Variants in PHF21A observed in about 807,000 individuals in gnomAD.
The protein encoded by PHF21A is BHC80a.
PHF21A carries 11 observed loss-of-function variants against 82.5 expected under a neutral mutation model. The observed-to-expected ratio is 0.13, with a 90% confidence interval of 0.08 to 0.22. PHF21A has a LOEUF of 0.22. Ranked by LOEUF, PHF21A falls within the 10% of genes least tolerant of loss-of-function variation. The pLI is 1.00. For synonymous variants in PHF21A, 297 were observed against 302.8 expected (o/e 0.98, Z 0.20); for missense variants, 579 against 837.8 (o/e 0.69, Z 3.81).
At chr11:46,107,736 G>A (rs1378207775) in intron 1 of PHF21A, among the ~76,000 whole-genome samples, 2 of 151,978 alleles carry the variant, frequency 1.3e-5, no homozygotes, top group African/African-American at 4.8e-5. Context: ...TCAGCAACAA[G>A]TTAAAACTCT....
chr11:45,942,049 C>A (rs1361871234), intron 15 of PHF21A, among the ~76,000 whole-genome samples: 2 of 152,030 alleles, frequency 1.3e-5, no homozygotes, highest in African/African-American at 2.4e-5. Flanking sequence ...CTTATGCTAC[C>A]CAGCAGCAAA....
intron 7 of PHF21A, among the ~76,000 whole-genome samples, chr11:45,973,011 G>C (rs2093849777): frequency 6.6e-6 from 1 of 152,202 alleles, no homozygotes; most frequent in South Asian, 2.1e-4. Flanking sequence ...CCGTGAGGCA[G>C]AGGCTGCAGT....
chr11:46,073,532 T>C (rs1037429058), intron 6 of PHF21A, among the ~76,000 whole-genome samples: 1 of 152,142 alleles, frequency 6.6e-6, no homozygotes, highest in African/African-American at 2.4e-5. Context: ...TTAGAAAATA[T>C]ACATAAGAGT....
At chr11:46,075,948 C>G (rs1372517332) in intron 6 of PHF21A, among the ~76,000 whole-genome samples, 1 of 152,186 alleles carries the variant, frequency 6.6e-6, no homozygotes, top group African/African-American at 2.4e-5. Context: ...ATATCAACTG[C>G]AAATCACCTT....
At chr11:45,980,105 T>G in intron 6 of PHF21A, 139 bp from the exon 7 acceptor site, 1 of 1,264,032 alleles carries the variant, frequency 7.9e-7, no homozygotes, top group Non-Finnish European at 1.1e-6. Flanking sequence ...GTTCTACATA[T>G]GAAGAGCTTA....
chr11:45,979,639 A>AAAT, intron 7 of PHF21A, 121 bp downstream of exon 7: 1 of 1,396,742 alleles, frequency 7.2e-7, no homozygotes, highest in Admixed American at 1.8e-5. Flanking sequence ...AAAGCAATCA[A>AAAT]AATAACTTTT....
chr11:46,028,002 A>C (rs1044705732), intron 6 of PHF21A, among the ~76,000 whole-genome samples: 42 of 152,330 alleles, frequency 2.8e-4, no homozygotes, highest in African/African-American at 9.9e-4. Flanking sequence ...CAGCCTAATA[A>C]TACAAACAGG....
At chr11:46,090,956 G>C (rs2096917652) in intron 2 of PHF21A, among the ~76,000 whole-genome samples, 2 of 152,112 alleles carry the variant, frequency 1.3e-5, no homozygotes, top group Admixed American at 1.3e-4. Flanking sequence ...AATGGGTTAA[G>C]GTCGCTTCTC....
chr11:46,076,918 A>G (rs2096732725), intron 5 of PHF21A, 99 bp from the exon 6 acceptor site: 2 of 905,682 alleles, frequency 2.2e-6, no homozygotes, highest in Non-Finnish European at 3.6e-6. Context: ...TGATGAAGCA[A>G]CCCGAAGCAT....
chr11:46,067,450 T>C (rs764460167), intron 6 of PHF21A, among the ~76,000 whole-genome samples: 12 of 152,204 alleles, frequency 7.9e-5, no homozygotes, highest in Non-Finnish European at 1.5e-4. Context: ...CAGACTCATT[T>C]ACTAGTTTAT....
chr11:46,098,583 GC>G (rs917290384), intron 1 of PHF21A, among the ~76,000 whole-genome samples: 1 of 152,146 alleles, frequency 6.6e-6, no homozygotes, highest in Non-Finnish European at 1.5e-5. Context: ...CTCTCACGAA[GC>G]TGTTTTCTGA....
intron 6 of PHF21A, among the ~76,000 whole-genome samples, chr11:46,023,646 T>C (rs1179597206): frequency 2.0e-5 from 3 of 152,222 alleles, no homozygotes; most frequent in Non-Finnish European, 4.4e-5. Context: ...CCTCAGTTGC[T>C]AATGTGTGTT....
intron 10 of PHF21A, among the ~76,000 whole-genome samples, chr11:45,958,419 A>AAT (rs71308367): frequency 1.6e-4 from 4 of 25,030 alleles, no homozygotes; most frequent in African/African-American, 4.5e-4. Context: ...AAAAAAAAAA[A>AAT]ATATATATAT....
intron 3 of PHF21A, among the ~76,000 whole-genome samples, chr11:46,084,723 A>G (rs976594234): frequency 2.0e-5 from 3 of 150,288 alleles, no homozygotes; most frequent in Non-Finnish European, 4.4e-5. Flanking sequence ...TCTGTCGCCC[A>G]GGCTGGAGTG....
At chr11:46,056,429 A>T (rs1156879918) in intron 6 of PHF21A, among the ~76,000 whole-genome samples, 1 of 152,120 alleles carries the variant, frequency 6.6e-6, no homozygotes, top group East Asian at 1.9e-4. Flanking sequence ...TTACTTTAAG[A>T]ACCTGTAAAT....
chr11:46,065,696 T>C (rs915906333), intron 6 of PHF21A, among the ~76,000 whole-genome samples: 5 of 152,240 alleles, frequency 3.3e-5, no homozygotes, highest in African/African-American at 1.2e-4. Context: ...TGTCAGTGAC[T>C]AGCACAGCCA....
intron 18 of PHF21A, 45 bp downstream of exon 18, chr11:45,935,591 C>A: frequency 1.1e-6 from 1 of 947,368 alleles, no homozygotes; most frequent in East Asian, 2.4e-5. Context: ...AGGCCTAGGT[C>A]TCTGCACCTA....
intron 6 of PHF21A, among the ~76,000 whole-genome samples, chr11:46,072,230 A>G (rs1450617949): frequency 6.6e-6 from 1 of 152,206 alleles, no homozygotes; most frequent in African/African-American, 2.4e-5. Flanking sequence ...TCTGGCCATG[A>G]CTACCAGCAA....
chr11:45,964,645 G>A (rs933998776), intron 10 of PHF21A, among the ~76,000 whole-genome samples: 2 of 151,986 alleles, frequency 1.3e-5, no homozygotes, highest in South Asian at 2.1e-4. Context: ...AATAGGATAC[G>A]GTGACTGCCT....
Sources: allele counts gnomAD v4.1 joint callset (sites outside exome capture counted in the v4.1 genomes callset), GRCh38; gene constraint gnomAD v4.1.1; transcripts MANE v1.5; gene names NCBI Gene and HGNC (gene_info 2026-07-23, HGNC 2026-07-21).